Variants in PARM1 observed in about 807,000 individuals in gnomAD.
PARM1 encodes WSC4, cell wall integrity and stress response component 4 homolog.
Under a neutral mutation model 24.6 loss-of-function variants are expected in PARM1, and 14 were observed. The ratio of observed to expected loss-of-function variants is 0.57; its 90% CI spans 0.38 to 0.89. The LOEUF (loss-of-function observed/expected upper bound fraction) is 0.89. PARM1 is among the 40% of genes least tolerant of loss of function. The pLI, the probability that PARM1 is intolerant of heterozygous loss-of-function variation, is 0.00. For synonymous variants in PARM1, 179 were observed against 156.6 expected, an observed-to-expected ratio of 1.14 and a Z score of -1.07; for missense variants, 362 against 380.4, an observed-to-expected ratio of 0.95 and a Z score of 0.40.
intron 1 of PARM1, among the ~76,000 whole-genome samples, chr4:74,949,544 C>T (rs947404836): frequency 4.6e-5 from 7 of 152,212 alleles, no homozygotes; most frequent in African/African-American, 1.2e-4. Context: ...GATCTCCTGA[C>T]CTTGTGATCC....
chr4:74,974,075 C>A (rs1722095212), intron 1 of PARM1, among the ~76,000 whole-genome samples: 1 of 152,056 alleles, frequency 6.6e-6, no homozygotes, highest in Non-Finnish European at 1.5e-5. Context: ...GTTTAAGGAC[C>A]AGAGAAGATG....
intron 1 of PARM1, among the ~76,000 whole-genome samples, chr4:74,941,730 A>G (rs1721313710): frequency 6.6e-6 from 1 of 152,170 alleles, no homozygotes; most frequent in Non-Finnish European, 1.5e-5. Context: ...AAAGGGGGTG[A>G]AGAATAAGAA....
chr4:75,020,152 A>AT (rs762579264), intron 2 of PARM1, among the ~76,000 whole-genome samples: 7 of 152,376 alleles, frequency 4.6e-5, no homozygotes, highest in African/African-American at 9.6e-5. Flanking sequence ...AAACAAAAAC[A>AT]TAGGTGTGAG....
intron 1 of PARM1, among the ~76,000 whole-genome samples, chr4:74,989,260 C>A (rs2109778168): frequency 6.6e-6 from 1 of 152,234 alleles, no homozygotes; most frequent in African/African-American, 2.4e-5. Flanking sequence ...CACAAGACTG[C>A]CCCTACTTCA....
At chr4:74,982,780 T>A (rs1228530721) in intron 1 of PARM1, among the ~76,000 whole-genome samples, 1 of 152,232 alleles carries the variant, frequency 6.6e-6, no homozygotes. Context: ...ATCTCCCTAG[T>A]GATATGCTTG....
At chr4:74,969,226 G>A (rs750081940) in intron 1 of PARM1, among the ~76,000 whole-genome samples, 4 of 152,170 alleles carry the variant, frequency 2.6e-5, no homozygotes, top group Non-Finnish European at 2.9e-5. Flanking sequence ...AAGCTCATGG[G>A]TCCCTTGTCG....
At chr4:75,024,214 C>A (rs1723139533) in intron 2 of PARM1, among the ~76,000 whole-genome samples, 1 of 151,594 alleles carries the variant, frequency 6.6e-6, no homozygotes, top group African/African-American at 2.4e-5. Context: ...GGAGCTTGCG[C>A]CACTGCACAC....
rs1354773556 is a variant in PARM1, at chr4:75,049,785, A to G, written c.*3538A>G. 2.6e-5 allele frequency: 4 copies of G among 152,108 alleles called. No homozygotes were observed. Among genetic ancestry groups the G allele is most frequent in the Admixed American group, 2.6e-4 (4 of 15,242 alleles). The allele number at this position is 152,108 out of a possible 1,614,324, so 9.4% of individuals were successfully genotyped here. On this transcript the variant is annotated 3_prime_UTR_variant, in exon 4 of 4. Transcript: ENST00000307428. ...AAGTGTGCATGGTTCAATCCCTCAC[A>G]TCCAGGAAATGAATTTTGCAATTGG... is the stretch of plus-strand genomic sequence containing the variant.
At chr4:75,018,622 C>T (rs777765755) in intron 2 of PARM1, among the ~76,000 whole-genome samples, 11 of 152,134 alleles carry the variant, frequency 7.2e-5, no homozygotes, top group Non-Finnish European at 1.5e-4. Context: ...TTATTTATTA[C>T]AATTATCCTT....
chr4:75,023,814 G>T (rs1723130877), intron 2 of PARM1, among the ~76,000 whole-genome samples: 1 of 152,170 alleles, frequency 6.6e-6, no homozygotes, highest in Non-Finnish European at 1.5e-5. Flanking sequence ...ATTTAGCCTG[G>T]GTCCCATCTG....
At chr4:75,035,763 T>C (rs966461524) in intron 3 of PARM1, among the ~76,000 whole-genome samples, 2 of 152,126 alleles carry the variant, frequency 1.3e-5, no homozygotes, top group African/African-American at 4.8e-5. Flanking sequence ...GAAAGCCAGG[T>C]TTTGAAGAGA....
At chr4:74,938,486 T>A (rs1422172720) in intron 1 of PARM1, among the ~76,000 whole-genome samples, 1 of 152,176 alleles carries the variant, frequency 6.6e-6, no homozygotes, top group African/African-American at 2.4e-5. Context: ...GAAAAATTGA[T>A]GTTTTATGTA....
intron 1 of PARM1, among the ~76,000 whole-genome samples, chr4:75,009,466 C>A (rs1398495654): frequency 6.6e-6 from 1 of 152,162 alleles, no homozygotes. Context: ...CTATTTGACA[C>A]CTTCAAGGAA....
chr4:74,938,933 T>C (rs1169931639), intron 1 of PARM1, among the ~76,000 whole-genome samples: 7 of 152,196 alleles, frequency 4.6e-5, no homozygotes, highest in Non-Finnish European at 1.0e-4. Flanking sequence ...AAAATAGTCT[T>C]AATTTTCCTT....
At chr4:74,947,344 A>C (rs1721430354) in intron 1 of PARM1, among the ~76,000 whole-genome samples, 1 of 152,224 alleles carries the variant, frequency 6.6e-6, no homozygotes, top group Non-Finnish European at 1.5e-5. Flanking sequence ...AGGTTTCTTC[A>C]ATAAATGAAT....
intron 1 of PARM1, among the ~76,000 whole-genome samples, chr4:74,997,021 A>G (rs1722587602): frequency 1.3e-5 from 2 of 152,210 alleles, no homozygotes; most frequent in South Asian, 4.1e-4. Flanking sequence ...AGGACTTAAT[A>G]AAAGGTAGAT....
At chr4:74,960,066 T>C (rs1346274845) in intron 1 of PARM1, among the ~76,000 whole-genome samples, 1 of 152,226 alleles carries the variant, frequency 6.6e-6, no homozygotes, top group Non-Finnish European at 1.5e-5. Context: ...GTTGTGCACG[T>C]TTCATATGTA....
chr4:74,954,254 G>T (rs1578026189), intron 1 of PARM1, among the ~76,000 whole-genome samples: 1 of 152,148 alleles, frequency 6.6e-6, no homozygotes, highest in South Asian at 2.1e-4. Flanking sequence ...GAGTTTTTGG[G>T]TTTCTAGGAG....
rs970348066 is a variant in PARM1 at position 75,034,095 on chromosome 4, G to A, written c.848+134G>A. 20 of 704,878 alleles carry A rather than the reference G, an allele frequency of 2.8e-5. No individual in the cohort carries two copies. In the East Asian group the frequency reaches 4.7e-4, roughly 17 times the overall value. The allele number at this position is 704,878 out of a possible 1,614,324, so 43.7% of individuals were successfully genotyped here. On this transcript the variant is annotated intron_variant, in intron 3 of 3. Coordinates refer to ENST00000307428, the MANE Select transcript of PARM1 (RefSeq NM_015393.4). ...AATATTGGCAGAGAAGTGAAAAATG[G>A]CGGGTGTACTCCTACACCACACAAC...
Sources: allele counts gnomAD v4.1 joint callset (sites outside exome capture counted in the v4.1 genomes callset), GRCh38; gene constraint gnomAD v4.1.1; transcripts MANE v1.5; gene names NCBI Gene and HGNC (gene_info 2026-07-23, HGNC 2026-07-21).